Variants in GSK3B observed in about 807,000 individuals in gnomAD.
The protein encoded by GSK3B is glycogen synthase kinase-3 beta.
A neutral mutation model predicts 56.4 loss-of-function variants in GSK3B; 15 were observed. The ratio of observed to expected loss-of-function variants is 0.27; its 90% CI spans 0.18 to 0.41. The LOEUF (loss-of-function observed/expected upper bound fraction) is 0.41, where lower values mean the gene tolerates loss of function less well. GSK3B is among the 10% of genes least tolerant of loss of function. The probability of loss-of-function intolerance (pLI) is 1.00; values close to 1 mark genes in which losing one functional copy is unlikely to be tolerated. For synonymous variants in GSK3B, 181 were observed against 188.9 expected (o/e 0.96, Z 0.34); for missense variants, 300 against 513.4 (o/e 0.58, Z 4.02).
chr3:119,873,083 T>G (rs2056268239), intron 8 of GSK3B, among the ~76,000 whole-genome samples: 1 of 152,156 alleles, frequency 6.6e-6, no homozygotes, highest in African/African-American at 2.4e-5. Flanking sequence ...TTTCAGAATA[T>G]TAGCACCTAT....
At chr3:119,938,648 T>C (rs2057018358) in intron 3 of GSK3B, among the ~76,000 whole-genome samples, 2 of 152,176 alleles carry the variant, frequency 1.3e-5, no homozygotes, top group Admixed American at 1.3e-4. Context: ...ATCATATACG[T>C]AATTAATGCT....
intron 1 of GSK3B, among the ~76,000 whole-genome samples, chr3:120,003,255 C>G (rs2057695896): frequency 6.6e-6 from 1 of 152,184 alleles, no homozygotes; most frequent in Non-Finnish European, 1.5e-5. Flanking sequence ...CAACGGCTCT[C>G]TTCAATTCAG....
At chr3:119,958,164 C>G (rs1174872796) in intron 2 of GSK3B, among the ~76,000 whole-genome samples, 1 of 152,124 alleles carries the variant, frequency 6.6e-6, no homozygotes, top group African/African-American at 2.4e-5. Flanking sequence ...GACTCTCTCT[C>G]CCACCACCTT....
Position 119,866,110 on chromosome 3 carries a change from T to C in GSK3B, c.910-2505A>G, listed in dbSNP as rs117830363. On this transcript the variant is annotated intron_variant, in intron 8 of 10. Coordinates refer to ENST00000264235, the MANE Select transcript of GSK3B (RefSeq NM_001146156.2). ...CTCCCACAGTTCAGATTTCTGACCA[T>C]AATACAGGGTGAGTTAGCATGTAAC... Among the ~76,000 whole-genome samples the C allele has an allele frequency of 4.5e-4, 69 of 152,268 alleles. No individual in the cohort carries two copies. The East Asian group carries it at 0.013, about 29-fold the overall frequency.
chr3:119,991,847 T>C (rs938224418), intron 2 of GSK3B, among the ~76,000 whole-genome samples: 1 of 152,024 alleles, frequency 6.6e-6, no homozygotes, highest in Non-Finnish European at 1.5e-5. Context: ...CCATCACTTT[T>C]TAACATGTAG....
rs115451994 is a variant in GSK3B at position 119,980,873 on chromosome 3, C to T, written c.282+21173G>A. On this transcript the variant is annotated intron_variant, in intron 2 of 10. Coordinates refer to ENST00000264235, the MANE Select transcript of GSK3B (RefSeq NM_001146156.2). ...GAATCTTATATGGTAAATTCTTGTCCTAAGTTAACTGGTTGTTTAAAGAAA... is the reference window on the plus strand; with the variant it reads ...GAATCTTATATGGTAAATTCTTGTCTTAAGTTAACTGGTTGTTTAAAGAAA... Among the ~76,000 whole-genome samples the T allele has an allele frequency of 4.3e-3, 648 of 152,112 alleles. 1 individual carries two copies. Among genetic ancestry groups the T allele is most frequent in the African/African-American group, 0.015 (612 of 41,480 alleles).
intron 4 of GSK3B, among the ~76,000 whole-genome samples, chr3:119,919,229 G>A (rs1345327869): frequency 1.3e-5 from 2 of 152,128 alleles, no homozygotes; most frequent in Non-Finnish European, 2.9e-5. Context: ...AAGAAATGCA[G>A]TTGCCATTCT....
At chr3:119,930,882 T>C (rs2107474014) in intron 3 of GSK3B, among the ~76,000 whole-genome samples, 1 of 152,370 alleles carries the variant, frequency 6.6e-6, no homozygotes. Flanking sequence ...CCACATATTT[T>C]ATTCATAATA....
chr3:120,002,008 C>T (rs200969753), intron 2 of GSK3B, 38 bp downstream of exon 2: 46 of 1,346,314 alleles, frequency 3.4e-5, no homozygotes, highest in Admixed American at 2.3e-4. Flanking sequence ...ATATGTATTA[C>T]GACAGCAACA....
intron 1 of GSK3B, among the ~76,000 whole-genome samples, chr3:120,092,793 T>C (rs953580456): frequency 2.0e-5 from 3 of 152,108 alleles, no homozygotes; most frequent in African/African-American, 7.2e-5. Context: ...GAATGGTTAC[T>C]GAGGAAGTTC....
intron 7 of GSK3B, among the ~76,000 whole-genome samples, chr3:119,883,114 A>T (rs1045915632): frequency 2.0e-5 from 3 of 152,210 alleles, no homozygotes; most frequent in Admixed American, 6.5e-5. Context: ...AGAGATCCTA[A>T]CATTACAGTA....
chr3:120,077,120 A>G (rs1349288386), intron 1 of GSK3B, among the ~76,000 whole-genome samples: 1 of 152,218 alleles, frequency 6.6e-6, no homozygotes, highest in Non-Finnish European at 1.5e-5. Flanking sequence ...GGAGGTTTCT[A>G]AAGAAACTAA....
chr3:119,936,272 T>C (rs2056992471), intron 3 of GSK3B, among the ~76,000 whole-genome samples: 1 of 147,712 alleles, frequency 6.8e-6, no homozygotes, highest in Admixed American at 6.8e-5. Context: ...AAGAAAAAAA[T>C]AAAAGGCTTC....
chr3:120,038,686 A>T (rs2058041484), intron 1 of GSK3B, among the ~76,000 whole-genome samples: 1 of 152,228 alleles, frequency 6.6e-6, no homozygotes, highest in African/African-American at 2.4e-5. Context: ...AAATTAAAAA[A>T]TTAGCTCAAA....
At chr3:120,083,284 A>C (rs537384342) in intron 1 of GSK3B, among the ~76,000 whole-genome samples, 1 of 152,314 alleles carries the variant, frequency 6.6e-6, no homozygotes, top group Admixed American at 6.5e-5. Flanking sequence ...AGGAAACTGG[A>C]GAGCCAACCC....
intron 1 of GSK3B, among the ~76,000 whole-genome samples, chr3:120,033,497 T>C (rs998993401): frequency 6.6e-6 from 1 of 152,232 alleles, no homozygotes; most frequent in African/African-American, 2.4e-5. Context: ...AATCTGACTT[T>C]TTTATTCTAG....
At chr3:120,055,869 A>G (rs557222823) in intron 1 of GSK3B, among the ~76,000 whole-genome samples, 1 of 152,376 alleles carries the variant, frequency 6.6e-6, no homozygotes, top group African/African-American at 2.4e-5. Flanking sequence ...AAATTCAGCC[A>G]TAAAAACACA....
At position 119,922,223 on chromosome 3, in the gene GSK3B, A is replaced by AGGG. The variant is rs1263623755; in HGVS notation, c.477+1149_477+1150insCCC. On this transcript the variant is annotated intron_variant, in intron 4 of 10. Coordinates refer to ENST00000264235, the MANE Select transcript of GSK3B (RefSeq NM_001146156.2). The stretch of plus-strand genomic sequence containing the variant: ...TAGGGAAGGAGGGAAGGAAGGAAGG[A>AGGG]AGGAGGGAAGGAAGGAAGGAAGGAA... Among the ~76,000 whole-genome samples the AGGG allele has an allele frequency of 1.5e-4, 18 of 117,554 alleles. 2 individuals are homozygous for AGGG. Among genetic ancestry groups the AGGG allele is most frequent in the African/African-American group, 6.1e-4 (18 of 29,724 alleles). The allele number at this position is 117,554 out of a possible 152,430, so 77.1% of individuals were successfully genotyped here.
intron 1 of GSK3B, among the ~76,000 whole-genome samples, chr3:120,048,040 T>C (rs1576295087): frequency 1.3e-5 from 2 of 152,222 alleles, no homozygotes; most frequent in Non-Finnish European, 2.9e-5. Context: ...CTTCCAAATA[T>C]ATGAACTACG....
Sources: gnomAD v4.1 joint callset for allele counts (sites outside exome capture counted in the v4.1 genomes callset) on GRCh38, gnomAD v4.1.1 for gene constraint, MANE v1.5 for transcripts, NCBI Gene and HGNC (gene_info 2026-07-23, HGNC 2026-07-21) for gene names.